Variants in METTL22 observed in about 807,000 individuals in gnomAD.
METTL22 encodes the protein methyltransferase-like protein 22.
A neutral mutation model predicts 48.4 loss-of-function variants in METTL22; 51 were observed. That is an observed-to-expected ratio of 1.05 (90% CI 0.84 to 1.33). The LOEUF (loss-of-function observed/expected upper bound fraction) is 1.33. Ranked by LOEUF, METTL22 falls within the 40% of genes most tolerant of loss-of-function variation. The pLI, the probability that METTL22 is intolerant of heterozygous loss-of-function variation, is 0.00. For missense variants in METTL22, 678 were observed against 526.9 expected (o/e 1.29, Z -2.81); for synonymous variants, 255 against 214.1 (o/e 1.19, Z -1.67).
At position 8,646,512 on chromosome 16, in the gene METTL22, C is replaced by G. The variant is rs745947928; in HGVS notation, c.*369C>G. 2.2e-5 allele frequency: 11 copies of G among 510,920 alleles called. No homozygotes were observed. Among genetic ancestry groups the G allele is most frequent in the Non-Finnish European group, 3.8e-5 (10 of 263,134 alleles). The allele number at this position is 510,920 out of a possible 1,614,324, so 31.6% of individuals were successfully genotyped here. A position where few individuals can be genotyped will look rare whatever the true frequency, so the allele number is the denominator to read the frequency against. On this transcript the variant is annotated 3_prime_UTR_variant, in exon 11 of 11. Coordinates refer to ENST00000381920, the MANE Select transcript of METTL22 (RefSeq NM_024109.4). ...GGTGGATTCTTGTACTGCCCTCTGT[C>G]AGCTGTTTACAGATGGGTTGACTAC...
At chr16:8,639,409 C>T (rs1641051) in intron 6 of METTL22, 559,983 of 562,540 alleles carry the variant, frequency 1, 278,771 homozygotes, top group East Asian at 1. Flanking sequence ...CGGACACTGG[C>T]GGCGGCCCCT....
chr16:8,661,510 G>A, the METTL22 span, among the ~76,000 whole-genome samples: 1 of 141,592 alleles, frequency 7.1e-6, no homozygotes, highest in Non-Finnish European at 1.5e-5. Context: ...GCCGGGCGTG[G>A]TGGCGGGCGC....
chr16:8,644,183 T>G (rs1438128816), intron 9 of METTL22, among the ~76,000 whole-genome samples: 2 of 152,140 alleles, frequency 1.3e-5, no homozygotes, highest in Non-Finnish European at 1.5e-5. Context: ...TCTCATTCAT[T>G]CATTTCTCAG....
chr16:8,662,855 AC>A, the METTL22 span, among the ~76,000 whole-genome samples: 2 of 144,346 alleles, frequency 1.4e-5, no homozygotes, highest in African/African-American at 5.2e-5. Flanking sequence ...TCAAAGTTGG[AC>A]TTGGTAATGT....
chr16:8,666,940 C>A, the METTL22 span: 1 of 152,072 alleles, frequency 6.6e-6, no homozygotes, highest in South Asian at 2.1e-4. Flanking sequence ...GCACCTGCCA[C>A]CATGCCCAGC....
At chr16:8,662,152 G>C in the METTL22 span, among the ~76,000 whole-genome samples, 1 of 145,668 alleles carries the variant, frequency 6.9e-6, no homozygotes, top group East Asian at 2.0e-4. Flanking sequence ...CAAGGCAAGA[G>C]AATTGTTTGA....
intron 3 of METTL22, among the ~76,000 whole-genome samples, chr16:8,630,160 C>G (rs375033051): frequency 1.3e-5 from 2 of 149,494 alleles, no homozygotes; most frequent in Admixed American, 6.7e-5. Flanking sequence ...GGGTCACTCT[C>G]AAAAACAGAC....
intron 5 of METTL22, 100 bp downstream of exon 5, chr16:8,635,412 TAGCTG>T: frequency 1.0e-5 from 14 of 1,406,446 alleles, no homozygotes; most frequent in South Asian, 6.2e-5. Flanking sequence ...AATTGGATGT[TAGCTG>T]TTGTTGATTT....
chr16:8,647,058 A>G lies in METTL22; in HGVS notation c.*915A>G, dbSNP rs1039287118. The stretch of plus-strand genomic sequence containing the variant: ...TTGCTGCTGCCGCACACTTTGCACC[A>G]GGGCCTTTCATGGCCCCTTTCCGCC... On this transcript the variant is annotated 3_prime_UTR_variant, in exon 11 of 11. Coordinates refer to ENST00000381920, the MANE Select transcript of METTL22 (RefSeq NM_024109.4). 9 of 258,470 alleles carry G rather than the reference A, an allele frequency of 3.5e-5. No homozygotes were observed. The highest frequency in any genetic ancestry group is 6.1e-5 in the Non-Finnish European group (8 of 130,138). The allele number at this position is 258,470 out of a possible 1,614,324, so 16.0% of individuals were successfully genotyped here.
chr16:8,661,895 C>T, the METTL22 span, among the ~76,000 whole-genome samples: 94 of 144,710 alleles, frequency 6.5e-4, 10 homozygotes, highest in Middle Eastern at 0.024. Flanking sequence ...TTTAGGGACA[C>T]GTAAGCTAAG....
the METTL22 span, among the ~76,000 whole-genome samples, chr16:8,660,000 A>G: frequency 1.3e-5 from 2 of 151,976 alleles, no homozygotes; most frequent in African/African-American, 4.8e-5. Flanking sequence ...TGCTAGGATT[A>G]TAAGTGTGAG....
chr16:8,650,136 G>A (rs975013363), downstream of METTL22, among the ~76,000 whole-genome samples: 7 of 152,166 alleles, frequency 4.6e-5, no homozygotes, highest in African/African-American at 1.2e-4. Context: ...GATCAGCCTG[G>A]GCAACATACA....
chr16:8,661,644 C>CAAAAA, the METTL22 span, among the ~76,000 whole-genome samples: 15 of 110,588 alleles, frequency 1.4e-4, no homozygotes, highest in African/African-American at 5.2e-4. Context: ...GACTCCGTCT[C>CAAAAA]AAAAAAAAAA....
chr16:8,661,564 G>A, the METTL22 span, among the ~76,000 whole-genome samples: 3 of 130,766 alleles, frequency 2.3e-5, no homozygotes, highest in Non-Finnish European at 4.7e-5. Flanking sequence ...AGAATGGCGT[G>A]AACCCAGGAG....
downstream of METTL22, among the ~76,000 whole-genome samples, chr16:8,652,688 A>ATTT (rs1555479047): frequency 2.7e-5 from 4 of 149,944 alleles, no homozygotes; most frequent in South Asian, 8.5e-4. Context: ...TAAAAAAAAA[A>ATTT]TTTTTTTAAT....
the METTL22 span, among the ~76,000 whole-genome samples, chr16:8,659,922 C>T: frequency 6.6e-6 from 1 of 151,974 alleles, no homozygotes; most frequent in African/African-American, 2.4e-5. Context: ...GACGGGGTCT[C>T]ACTATGTTGC....
the METTL22 span, among the ~76,000 whole-genome samples, chr16:8,661,824 TGG>T: frequency 7.0e-6 from 1 of 143,120 alleles, no homozygotes; most frequent in South Asian, 2.3e-4. Context: ...CCTCCCACTT[TGG>T]CCTCTCAAAA....
intron 6 of METTL22, among the ~76,000 whole-genome samples, chr16:8,640,646 G>C: frequency 2.8e-5 from 2 of 70,316 alleles, no homozygotes; most frequent in African/African-American, 5.8e-5. Flanking sequence ...GGGTGGATGG[G>C]AGGGAGGGAG....
chr16:8,651,623 G>A (rs982181938), downstream of METTL22, among the ~76,000 whole-genome samples: 3 of 152,012 alleles, frequency 2.0e-5, no homozygotes, highest in African/African-American at 7.3e-5. Context: ...AAATAAAAGG[G>A]ATCCTGTTTG....
Sources: allele counts gnomAD v4.1 joint callset (sites outside exome capture counted in the v4.1 genomes callset), GRCh38; gene constraint gnomAD v4.1.1; transcripts MANE v1.5; gene names NCBI Gene and HGNC (gene_info 2026-07-23, HGNC 2026-07-21).